The following NFIB variants were observed in gnomAD, a reference collection of about 807,000 sequenced individuals.
The protein encoded by NFIB is nuclear factor 1 B-type.
Under a neutral mutation model 61.5 loss-of-function variants are expected in NFIB, and 11 were observed. That is an observed-to-expected ratio of 0.18 (90% CI 0.11 to 0.30). The LOEUF (loss-of-function observed/expected upper bound fraction) is 0.30, where lower values mean the gene tolerates loss of function less well. NFIB is among the 10% of genes least tolerant of loss of function. The probability of loss-of-function intolerance (pLI) is 1.00; values close to 1 mark genes in which losing one functional copy is unlikely to be tolerated. For missense variants in NFIB, 471 were observed against 608.9 expected (o/e 0.77, Z 2.38); for synonymous variants, 260 against 216.5 (o/e 1.20, Z -1.76).
chr9:14,324,047 T>C (rs567079019), intron 1 of NFIB, among the ~76,000 whole-genome samples: 4 of 152,158 alleles, frequency 2.6e-5, no homozygotes, highest in Non-Finnish European at 5.9e-5. Context: ...AGAAGGGGAA[T>C]GAATGACTGG....
the NFIB span, among the ~76,000 whole-genome samples, chr9:14,423,205 C>G: frequency 6.6e-6 from 1 of 152,126 alleles, no homozygotes; most frequent in Non-Finnish European, 1.5e-5. Context: ...GTAATCAGAT[C>G]GGGGCAAAAC....
chr9:14,089,270 G>C (rs559335479), intron 10 of NFIB, among the ~76,000 whole-genome samples: 1 of 151,874 alleles, frequency 6.6e-6, no homozygotes, highest in Admixed American at 6.6e-5. Context: ...ATAGATGGCG[G>C]GTTGGGGGTT....
the NFIB span, among the ~76,000 whole-genome samples, chr9:14,522,444 T>C: frequency 2.0e-5 from 3 of 152,182 alleles, no homozygotes; most frequent in African/African-American, 7.2e-5. Context: ...AATAACAATT[T>C]AGTGTTATTT....
At chr9:14,460,799 G>T in the NFIB span, among the ~76,000 whole-genome samples, 728 of 152,084 alleles carry the variant, frequency 4.8e-3, 5 homozygotes, top group African/African-American at 0.015. Flanking sequence ...ATTGCCCTAA[G>T]GATAATGAAA....
chr9:14,246,156 A>C (rs1365764537), intron 2 of NFIB, among the ~76,000 whole-genome samples: 1 of 151,734 alleles, frequency 6.6e-6, no homozygotes, highest in Non-Finnish European at 1.5e-5. Context: ...ACATGTTTAC[A>C]CTTAAAACTC....
At chr9:14,245,039 T>C (rs2054758324) in intron 2 of NFIB, among the ~76,000 whole-genome samples, 1 of 152,184 alleles carries the variant, frequency 6.6e-6, no homozygotes, top group Non-Finnish European at 1.5e-5. Flanking sequence ...TATCACCCTC[T>C]GCAACCTCAA....
the NFIB span, among the ~76,000 whole-genome samples, chr9:14,523,070 T>A: frequency 6.6e-6 from 1 of 152,216 alleles, no homozygotes; most frequent in African/African-American, 2.4e-5. Context: ...TATAGAAGGG[T>A]AGTGTCTGGC....
chr9:14,397,933 C>T (rs1301756283), intron 1 of NFIB, among the ~76,000 whole-genome samples: 3 of 152,094 alleles, frequency 2.0e-5, no homozygotes, highest in African/African-American at 4.8e-5. Flanking sequence ...TCTCATGTCG[C>T]CTGGGTGGTT....
upstream of NFIB, among the ~76,000 whole-genome samples, chr9:14,402,322 ACT>A (rs2061750695): frequency 6.6e-6 from 1 of 152,036 alleles, no homozygotes; most frequent in Admixed American, 6.6e-5. Context: ...TATGTCAAAA[ACT>A]CTGCAAATCC....
At chr9:14,482,263 C>T in the NFIB span, among the ~76,000 whole-genome samples, 3 of 152,066 alleles carry the variant, frequency 2.0e-5, no homozygotes, top group African/African-American at 7.2e-5. Context: ...CAAACAAATC[C>T]CTGCCAGATA....
chr9:14,148,612 T>G (rs2042542404), intron 5 of NFIB, among the ~76,000 whole-genome samples: 1 of 152,140 alleles, frequency 6.6e-6, no homozygotes, highest in Non-Finnish European at 1.5e-5. Flanking sequence ...TTTGGAGAGA[T>G]TCAGTGGACT....
At chr9:14,368,879 C>T (rs557473167) in intron 1 of NFIB, among the ~76,000 whole-genome samples, 75 of 152,262 alleles carry the variant, frequency 4.9e-4, no homozygotes, top group Admixed American at 1.0e-3. Flanking sequence ...GTGCAAGGTA[C>T]CTGAGCTCAG....
intron 1 of NFIB, chr9:14,357,783 A>G (rs1459491645): frequency 6.6e-6 from 1 of 152,220 alleles, no homozygotes; most frequent in Non-Finnish European, 1.5e-5. Context: ...CGTGGGATAT[A>G]CGTGTAATGG....
chr9:14,412,555 A>G, the NFIB span, among the ~76,000 whole-genome samples: 4 of 152,282 alleles, frequency 2.6e-5, no homozygotes, highest in African/African-American at 9.6e-5. Flanking sequence ...ACCCTCGCAA[A>G]TTCCCCATGA....
chr9:14,131,515 T>C (rs903827392), intron 6 of NFIB, among the ~76,000 whole-genome samples: 1 of 152,192 alleles, frequency 6.6e-6, no homozygotes, highest in Non-Finnish European at 1.5e-5. Flanking sequence ...AGAGAGTCGC[T>C]GTGAAACACA....
chr9:14,178,287 G>A (rs1177274552), intron 3 of NFIB, among the ~76,000 whole-genome samples: 3 of 151,998 alleles, frequency 2.0e-5, no homozygotes, highest in African/African-American at 7.2e-5. Flanking sequence ...GAAATATTCT[G>A]AACTTCTGAA....
chr9:14,169,580 G>T (rs1287931293), intron 3 of NFIB, among the ~76,000 whole-genome samples: 1 of 152,190 alleles, frequency 6.6e-6, no homozygotes, highest in African/African-American at 2.4e-5. Context: ...CAGCACTTGA[G>T]GAGGCCAGGG....
intron 2 of NFIB, among the ~76,000 whole-genome samples, chr9:14,241,311 G>A (rs375337089): frequency 1.3e-5 from 2 of 152,104 alleles, no homozygotes; most frequent in African/African-American, 4.8e-5. Flanking sequence ...GACTATATCA[G>A]TATCAACATC....
At chr9:14,420,464 A>AAAAAAAAAAAT in the NFIB span, among the ~76,000 whole-genome samples, 1 of 150,656 alleles carries the variant, frequency 6.6e-6, no homozygotes, top group Non-Finnish European at 1.5e-5. Flanking sequence ...AAAAAAAAAA[A>AAAAAAAAAAAT]AAAAAAGATG....
Sources: gnomAD v4.1 joint callset for allele counts (sites outside exome capture counted in the v4.1 genomes callset) on GRCh38, gnomAD v4.1.1 for gene constraint, MANE v1.5 for transcripts, NCBI Gene and HGNC (gene_info 2026-07-23, HGNC 2026-07-21) for gene names.